The following CDC5L variants were observed in gnomAD, a reference collection of about 807,000 sequenced individuals.
CDC5L encodes the protein cell division cycle 5-like protein.
Under a neutral mutation model 104.1 loss-of-function variants are expected in CDC5L, and 18 were observed. The ratio of observed to expected loss-of-function variants is 0.17; its 90% CI spans 0.12 to 0.26. The LOEUF (loss-of-function observed/expected upper bound fraction) is 0.26. Ranked by LOEUF, CDC5L falls within the 10% of genes least tolerant of loss-of-function variation. The pLI, the probability that CDC5L is intolerant of heterozygous loss-of-function variation, is 1.00. For missense variants in CDC5L, 673 were observed against 956.9 expected (o/e 0.70, Z 3.91); for synonymous variants, 331 against 322.7 (o/e 1.03, Z -0.28).
chr6:44,441,932 CTT>C (rs145016358), intron 14 of CDC5L, among the ~76,000 whole-genome samples: 1 of 92,848 alleles, frequency 1.1e-5, no homozygotes, highest in Non-Finnish European at 2.0e-5. Flanking sequence ...AGGTCTTGTT[CTT>C]TTTTTTTTTT....
intron 5 of CDC5L, among the ~76,000 whole-genome samples, chr6:44,402,749 A>G (rs1356542443): frequency 1.3e-5 from 2 of 152,188 alleles, no homozygotes; most frequent in South Asian, 2.1e-4. Context: ...ATATGCATAC[A>G]GTTCTTATGT....
At chr6:44,429,599 A>G (rs2153382303) in intron 13 of CDC5L, 114 bp from the exon 14 acceptor site, 3 of 849,930 alleles carry the variant, frequency 3.5e-6, no homozygotes, top group Non-Finnish European at 5.5e-6. Flanking sequence ...AAAACAACCA[A>G]CCACATCTTG....
rs751554610 is a variant in CDC5L at position 44,424,444 on chromosome 6, G to A, written c.1430G>A (p.Arg477His). 38 of 1,613,726 alleles carry A rather than the reference G, an allele frequency of 2.4e-5. No homozygotes were observed. The highest frequency in any genetic ancestry group is 3.0e-5 in the Non-Finnish European group (35 of 1,179,826). Residue 477 changes from arginine (R) to histidine (H), a missense_variant, in exon 11 of 16, where the codon CGT becomes CAT. Coordinates refer to ENST00000371477, the MANE Select transcript of CDC5L (RefSeq NM_001253.4). ...QMERESREHL[R>H]LGLLGLPAPK... is the part of the protein sequence containing the mutation. The stretch of plus-strand genomic sequence containing the variant: ...GAAAGAGAATCCCGAGAACATCTCC[G>A]TTTAGGGTTGTTGGGCCTTCCTGCC...
At chr6:44,387,891 CCGCTGCCCGCCGCT>C in intron 1 of CDC5L, 23 bp downstream of exon 1, 1 of 1,550,182 alleles carries the variant, frequency 6.5e-7, no homozygotes, top group Non-Finnish European at 8.7e-7. Context: ...TTCCCGCCGT[CCGCTGCCCGCCGCT>C]CCCTCTAGCA....
intron 5 of CDC5L, among the ~76,000 whole-genome samples, chr6:44,399,514 C>G (rs545726991): frequency 1.2e-3 from 181 of 152,256 alleles, no homozygotes; most frequent in African/African-American, 4.0e-3. Flanking sequence ...TTCTCTGAGG[C>G]TCTATTCATG....
rs139979361 is a variant in CDC5L at position 44,429,861 on chromosome 6, A to G, written c.2042A>G (p.Asn681Ser). 11 of 1,614,078 alleles carry G rather than the reference A, an allele frequency of 6.8e-6. No individual in the cohort carries two copies. In the East Asian group the frequency reaches 1.3e-4, roughly 20 times the overall value. Residue 681 changes from asparagine (N) to serine (S), a missense_variant, in exon 14 of 16, where the codon AAT becomes AGT. Transcript: ENST00000371477. The part of the protein sequence containing the change: ...LPGQSRYTRA[N>S]LASKKDRIES... Reference sequence around the variant, plus strand: ...GGGCAGAGCCGCTACACACGGGCCAATCTGGCTAGTAAAAAGGACAGAATT... The same window carrying G: ...GGGCAGAGCCGCTACACACGGGCCAGTCTGGCTAGTAAAAAGGACAGAATT...
Position 44,422,777 on chromosome 6 carries a change from G to C in CDC5L, c.1372G>C (p.Asp458His), listed in dbSNP as rs1792247357. The C allele has an allele frequency of 6.2e-7, 1 of 1,612,686 alleles. No homozygotes were observed. Among genetic ancestry groups the C allele is most frequent in the Non-Finnish European group, 8.5e-7 (1 of 1,179,144 alleles). ...CATTAATCCCGAGGATGGAATGGCA[G>C]ACTATAGTGATCCCTCTTACGTGAA... Reference protein sequence around the residue: ...LNINPEDGMADYSDPSYVKQM... With the variant: ...LNINPEDGMAHYSDPSYVKQM... The change falls in exon 10 of 16, where the codon GAC (aspartate) becomes CAC (histidine). Residue 458 changes from aspartate (D) to histidine (H), a missense_variant. Asp to His is a moderately conservative substitution (Grantham distance 81, BLOSUM62 -1). Transcript: ENST00000371477.
At chr6:44,393,375 A>T (rs1022498070) in intron 3 of CDC5L, 71 bp from the exon 4 acceptor site, 2 of 1,438,924 alleles carry the variant, frequency 1.4e-6, no homozygotes, top group Non-Finnish European at 1.9e-6. Flanking sequence ...TATCGTCAGA[A>T]CTTGGAAATC....
intron 1 of CDC5L, among the ~76,000 whole-genome samples, chr6:44,389,336 G>T (rs1237679051): frequency 6.6e-6 from 1 of 152,202 alleles, no homozygotes; most frequent in African/African-American, 2.4e-5. Context: ...GGATTCCTAT[G>T]CAGTGGTCAA....
At chr6:44,411,608 CAGAG>C (rs1292898511) in intron 8 of CDC5L, among the ~76,000 whole-genome samples, 2 of 135,434 alleles carry the variant, frequency 1.5e-5, no homozygotes, top group African/African-American at 5.4e-5. Context: ...CTGTGAGAGA[CAGAG>C]AGAGAGAGAG....
intron 14 of CDC5L, 114 bp from the exon 15 acceptor site, chr6:44,445,541 C>A (rs2153384652): frequency 3.1e-6 from 2 of 651,570 alleles, no homozygotes; most frequent in Non-Finnish European, 2.7e-6. Context: ...ATAAGGAGTT[C>A]TAGTGTATTT....
At chr6:44,412,350 G>A (rs1791682269) in intron 8 of CDC5L, among the ~76,000 whole-genome samples, 1 of 150,810 alleles carries the variant, frequency 6.6e-6, no homozygotes, top group Non-Finnish European at 1.5e-5. Flanking sequence ...CATTACCCAG[G>A]CTGGAGTGCA....
chr6:44,425,174 T>C (rs1389363636), intron 11 of CDC5L, among the ~76,000 whole-genome samples: 1 of 152,216 alleles, frequency 6.6e-6, no homozygotes, highest in Non-Finnish European at 1.5e-5. Flanking sequence ...ATAGGATCGG[T>C]ATTACAGGTT....
chr6:44,436,157 G>A (rs139515244), intron 14 of CDC5L, among the ~76,000 whole-genome samples: 2,063 of 152,280 alleles, frequency 0.014, 14 homozygotes, highest in Non-Finnish European at 0.02. Context: ...TTAGCAAATA[G>A]CAGGTGTTAG....
At chr6:44,389,387 G>A (rs1474459014) in intron 1 of CDC5L, among the ~76,000 whole-genome samples, 1 of 152,184 alleles carries the variant, frequency 6.6e-6, no homozygotes, top group African/African-American at 2.4e-5. Context: ...GATCATGGGA[G>A]ATGTAGAGGA....
intron 2 of CDC5L, among the ~76,000 whole-genome samples, chr6:44,390,999 TAATATGTTATATATTATATATTA>T (rs1790576206): frequency 8.0e-6 from 1 of 124,750 alleles, no homozygotes; most frequent in Non-Finnish European, 1.7e-5. Context: ...TAAACATATT[TAATATGTTATATATTATATATTA>T]AACATATTTA....
chr6:44,436,944 T>G (rs1792966926), intron 14 of CDC5L, among the ~76,000 whole-genome samples: 2 of 152,246 alleles, frequency 1.3e-5, no homozygotes, highest in South Asian at 4.1e-4. Flanking sequence ...AACTTCATTT[T>G]ATTTAAGACT....
intron 14 of CDC5L, among the ~76,000 whole-genome samples, chr6:44,439,861 G>C (rs1793100840): frequency 6.6e-6 from 1 of 152,152 alleles, no homozygotes; most frequent in Non-Finnish European, 1.5e-5. Flanking sequence ...GAGACACATA[G>C]GTTAAATAAC....
chr6:44,441,325 G>C (rs1418181713), intron 14 of CDC5L, among the ~76,000 whole-genome samples: 1 of 152,122 alleles, frequency 6.6e-6, no homozygotes, highest in African/African-American at 2.4e-5. Context: ...AGGATTTCCT[G>C]TTTTTTAAAG....
Sources: allele counts gnomAD v4.1 joint callset (sites outside exome capture counted in the v4.1 genomes callset), GRCh38; gene constraint gnomAD v4.1.1; transcripts MANE v1.5; gene names NCBI Gene and HGNC (gene_info 2026-07-23, HGNC 2026-07-21).